Variants in FPR3 observed in about 807,000 individuals in gnomAD.
The protein encoded by FPR3 is N-formyl peptide receptor 3.
For missense variants in FPR3, 346 were observed against 443.2 expected, an observed-to-expected ratio of 0.78 and a Z score of 1.97; for synonymous variants, 135 against 163.6, an observed-to-expected ratio of 0.83 and a Z score of 1.34.
chr19:51,805,472 AGCTCCTT>A (rs1317091133), intron 1 of FPR3, among the ~76,000 whole-genome samples: 3 of 152,192 alleles, frequency 2.0e-5, no homozygotes, highest in Non-Finnish European at 4.4e-5. Context: ...TGGATGTGAA[AGCTCCTT>A]GCAAATGGGC....
At chr19:51,814,644 C>A (rs2084121315) in intron 1 of FPR3, among the ~76,000 whole-genome samples, 1 of 151,998 alleles carries the variant, frequency 6.6e-6, no homozygotes, top group Non-Finnish European at 1.5e-5. Flanking sequence ...CAGGCATGTG[C>A]CATTCTGCTG....
chr19:51,823,507 C>T (rs73061088), intron 1 of FPR3, among the ~76,000 whole-genome samples: 250 of 152,176 alleles, frequency 1.6e-3, no homozygotes, highest in Non-Finnish European at 3.1e-3. Flanking sequence ...CCCTTTAATC[C>T]TCTTGGTAAT....
chr19:51,808,178 T>C (rs1229807085), intron 1 of FPR3, among the ~76,000 whole-genome samples: 1 of 152,252 alleles, frequency 6.6e-6, no homozygotes, highest in Non-Finnish European at 1.5e-5. Context: ...TATGTGTAAG[T>C]TGATAGGTAG....
At chr19:51,802,862 T>C (rs1458926138) in intron 1 of FPR3, among the ~76,000 whole-genome samples, 1 of 152,214 alleles carries the variant, frequency 6.6e-6, no homozygotes, top group Non-Finnish European at 1.5e-5. Flanking sequence ...TATTCTTTCA[T>C]TTACATCGTT....
At chr19:51,801,612 C>A (rs1479330660) in intron 1 of FPR3, among the ~76,000 whole-genome samples, 2 of 152,190 alleles carry the variant, frequency 1.3e-5, no homozygotes, top group East Asian at 3.9e-4. Context: ...GAAACCCCAT[C>A]TCTACTAAAA....
chr19:51,809,724 C>T (rs541247058), intron 1 of FPR3, among the ~76,000 whole-genome samples: 47 of 152,204 alleles, frequency 3.1e-4, no homozygotes, highest in Non-Finnish European at 5.0e-4. Context: ...GATAAAGGTC[C>T]CCAAATATCA....
rs573897608 is a variant in FPR3 at position 51,815,666 on chromosome 19, T to G, written c.-10-8073T>G. Among the ~76,000 whole-genome samples the G allele has an allele frequency of 2.6e-5, 4 of 151,748 alleles. No homozygotes were observed. In the East Asian group the frequency reaches 7.8e-4, roughly 30 times the overall value. On this transcript the variant is annotated intron_variant, in intron 1 of 1. Coordinates refer to ENST00000339223, the MANE Select transcript of FPR3 (RefSeq NM_002030.5). ...GCAGATCGCTTTAAGCCCAGGAGTT[T>G]GAAACCAGTCTAGGATACATGGCGA... is the stretch of plus-strand genomic sequence containing the variant.
chr19:51,817,336 T>C (rs1599838273), intron 1 of FPR3, among the ~76,000 whole-genome samples: 1 of 152,290 alleles, frequency 6.6e-6, no homozygotes, highest in East Asian at 1.9e-4. Context: ...ACTAAAGTTC[T>C]ATGTCACCAA....
At chr19:51,816,755 G>A (rs1022582239) in intron 1 of FPR3, among the ~76,000 whole-genome samples, 6 of 152,280 alleles carry the variant, frequency 3.9e-5, no homozygotes, top group Admixed American at 1.3e-4. Flanking sequence ...CCTTTAACTT[G>A]TGCGATCTGA....
At chr19:51,796,756 G>A (rs1344950724) in intron 1 of FPR3, among the ~76,000 whole-genome samples, 2 of 152,214 alleles carry the variant, frequency 1.3e-5, no homozygotes, top group African/African-American at 2.4e-5. Flanking sequence ...TATTGGAAGA[G>A]TGGCAGGTCT....
At chr19:51,814,251 C>G (rs1018684442) in intron 1 of FPR3, among the ~76,000 whole-genome samples, 1 of 152,122 alleles carries the variant, frequency 6.6e-6, no homozygotes, top group Non-Finnish European at 1.5e-5. Context: ...CCTGATGTTG[C>G]TTAAAATCTC....
intron 1 of FPR3, among the ~76,000 whole-genome samples, chr19:51,800,258 G>T (rs1242405790): frequency 6.6e-6 from 1 of 152,186 alleles, no homozygotes; most frequent in Non-Finnish European, 1.5e-5. Context: ...AGGTCGATCG[G>T]GTCACCCTGG....
chr19:51,820,339 T>C (rs74680322), intron 1 of FPR3, among the ~76,000 whole-genome samples: 3,852 of 152,344 alleles, frequency 0.025, 68 homozygotes, highest in Non-Finnish European at 0.042. Context: ...CATGGTTTCC[T>C]ATGGATTATA....
chr19:51,816,448 ACAT>A (rs2084137750), intron 1 of FPR3, among the ~76,000 whole-genome samples: 1 of 152,216 alleles, frequency 6.6e-6, no homozygotes, highest in Non-Finnish European at 1.5e-5. Flanking sequence ...AGGTTTTGCC[ACAT>A]TGGCCAGACT....
At chr19:51,799,741 T>G (rs186324733) in intron 1 of FPR3, among the ~76,000 whole-genome samples, 1 of 152,320 alleles carries the variant, frequency 6.6e-6, no homozygotes, top group Non-Finnish European at 1.5e-5. Flanking sequence ...TGAGGGTGTT[T>G]CCCTGTGGGA....
Position 51,824,116 on chromosome 19 carries a change from G to T in FPR3, c.368G>T (p.Arg123Leu), listed in dbSNP as rs779342164. Reference protein sequence around the residue: ...VYLITIIALDRCICVLHPAWA... With the variant: ...VYLITIIALDLCICVLHPAWA... Reference sequence around the variant, plus strand: ...CTGATCACCATCATTGCTCTGGACCGCTGTATTTGTGTCCTGCATCCAGCC... The same window carrying T: ...CTGATCACCATCATTGCTCTGGACCTCTGTATTTGTGTCCTGCATCCAGCC... Residue 123 changes from arginine (R) to leucine (L), a missense_variant, in exon 2 of 2, where the codon CGC (arginine) becomes CTC (leucine). Coordinates refer to ENST00000339223, the MANE Select transcript of FPR3 (RefSeq NM_002030.5). The surrounding 1 kb of genome is among the most constrained non-coding windows in gnomAD (Gnocchi z 4.7). 1 of 1,613,714 alleles carries T rather than the reference G, an allele frequency of 6.2e-7. No homozygotes were observed. Among genetic ancestry groups the T allele is most frequent in the African/African-American group, 1.3e-5 (1 of 74,880 alleles).
Position 51,824,600 on chromosome 19 carries a change from T to C in FPR3, c.852T>C (p.Ile284=), listed in dbSNP as rs2084218172. The C allele has an allele frequency of 6.2e-7, 1 of 1,614,184 alleles. No individual in the cohort carries two copies. Among genetic ancestry groups the C allele is most frequent in the Non-Finnish European group, 8.5e-7 (1 of 1,180,018 alleles). ...AATACAAAATCATTCTTGTCCTGAT[T>C]AACCCAACAAGCTCCTTGGCCTTTT... ...NGKYKIILVL[I]NPTSSLAFFN... The change falls in exon 2 of 2, where the codon ATT becomes ATC. Residue 284 remains isoleucine, a synonymous_variant. Transcript: ENST00000339223. The surrounding 1 kb of genome is among the most constrained non-coding windows in gnomAD (Gnocchi z 4.7).
chr19:51,812,619 T>C (rs1599835543), intron 1 of FPR3, among the ~76,000 whole-genome samples: 1 of 152,178 alleles, frequency 6.6e-6, no homozygotes, highest in Non-Finnish European at 1.5e-5. Context: ...TACCTAGGGG[T>C]ACCCTCATAG....
In FPR3 at chr19:51,824,945, C is replaced by A; in HGVS notation, c.*135C>A. ...AACATAAAGGAAGTCTGTACCAAATCTGTAGGGGGTTTTTCCCACAACCAA... is the reference window on the plus strand; with the variant it reads ...AACATAAAGGAAGTCTGTACCAAATATGTAGGGGGTTTTTCCCACAACCAA... On this transcript the variant is annotated 3_prime_UTR_variant, in exon 2 of 2. Transcript: ENST00000339223. This position sits in a 1 kb window ranked among gnomAD's most constrained non-coding sequence, Gnocchi z 4.7. The A allele has an allele frequency of 1.4e-6, 1 of 728,844 alleles. No homozygotes were observed. The highest frequency in any genetic ancestry group is 2.3e-6 in the Non-Finnish European group (1 of 441,416). The allele number at this position is 728,844 out of a possible 1,614,324, so 45.1% of individuals were successfully genotyped here.
Sources: gnomAD v4.1 joint callset for allele counts (sites outside exome capture counted in the v4.1 genomes callset) on GRCh38, gnomAD v4.1.1 for gene constraint, Gnocchi (gnomAD v3.1) non-coding constraint, MANE v1.5 for transcripts, NCBI Gene and HGNC (gene_info 2026-07-23, HGNC 2026-07-21) for gene names.